PHACTR1: variants seen among roughly 807,000 people sequenced by gnomAD.
PHACTR1 encodes RPEL repeat containing 1.
In PHACTR1, 16 loss-of-function variants were observed where a neutral mutation model predicts 69.2. That is an observed-to-expected ratio of 0.23 (90% confidence interval 0.16 to 0.35). The LOEUF is 0.35. PHACTR1 is among the 10% of genes least tolerant of loss of function. The probability of loss-of-function intolerance (pLI) is 1.00; values close to 1 mark genes in which losing one functional copy is unlikely to be tolerated. For missense variants in PHACTR1, 510 were observed against 734.7 expected, an observed-to-expected ratio of 0.69 and a Z score of 3.54; for synonymous variants, 312 against 284.5, an observed-to-expected ratio of 1.10 and a Z score of -0.97.
intron 4 of PHACTR1, among the ~76,000 whole-genome samples, chr6:12,849,188 G>A (rs918342876): frequency 6.6e-6 from 1 of 152,188 alleles, no homozygotes; most frequent in Admixed American, 6.5e-5. Context: ...CCCTAGGAGC[G>A]TGTGAAAGAA....
intron 4 of PHACTR1, among the ~76,000 whole-genome samples, chr6:12,782,426 A>G (rs1770960901): frequency 6.6e-6 from 1 of 152,192 alleles, no homozygotes; most frequent in Admixed American, 6.5e-5. Flanking sequence ...AGGAGGCTGT[A>G]TTCACAGGGA....
intron 5 of PHACTR1, among the ~76,000 whole-genome samples, chr6:13,138,495 C>T (rs1343577276): frequency 6.6e-6 from 1 of 152,190 alleles, no homozygotes; most frequent in Non-Finnish European, 1.5e-5. Flanking sequence ...GGATTATCTT[C>T]CTAGGGACAT....
intron 4 of PHACTR1, chr6:12,957,656 T>C: frequency 8.1e-6 from 8 of 985,672 alleles, no homozygotes; most frequent in Non-Finnish European, 9.6e-6. Flanking sequence ...TTCTGGGCTC[T>C]GAGTGAGGCT....
chr6:13,176,081 C>T (rs531503075), intron 6 of PHACTR1, among the ~76,000 whole-genome samples: 1 of 152,108 alleles, frequency 6.6e-6, no homozygotes, highest in African/African-American at 2.4e-5. Context: ...CTGGGGAAAA[C>T]GTCTCCATGT....
intron 4 of PHACTR1, among the ~76,000 whole-genome samples, chr6:12,794,647 C>T (rs1034983260): frequency 6.6e-6 from 1 of 152,208 alleles, no homozygotes; most frequent in Non-Finnish European, 1.5e-5. Context: ...AAGTATTTTA[C>T]ATTCTTTTCC....
intron 5 of PHACTR1, among the ~76,000 whole-genome samples, chr6:13,155,415 A>G (rs958229038): frequency 6.6e-6 from 1 of 152,138 alleles, no homozygotes; most frequent in Non-Finnish European, 1.5e-5. Context: ...CAGAAGATTA[A>G]TTTCTCAGCT....
Position 12,909,537 on chromosome 6 carries a change from C to G in PHACTR1, c.251-143828C>G, listed in dbSNP as rs185971295. Among the ~76,000 whole-genome samples the G allele has an allele frequency of 3.9e-5, 6 of 152,316 alleles. No homozygotes were observed. The East Asian group carries it at 1.2e-3, about 29-fold the overall frequency. ...TTTAAAAATATGAAGGGCATGGCATCGAGCCGGATGCGGTGTCTTCATAAG... is the reference window on the plus strand; with the variant it reads ...TTTAAAAATATGAAGGGCATGGCATGGAGCCGGATGCGGTGTCTTCATAAG... On this transcript the variant is annotated intron_variant, in intron 4 of 14. Transcript: ENST00000332995.
intron 4 of PHACTR1, among the ~76,000 whole-genome samples, chr6:12,780,924 G>C (rs150704343): frequency 6.8e-4 from 104 of 152,312 alleles, no homozygotes; most frequent in African/African-American, 2.4e-3. Context: ...AGACATATTA[G>C]TGCTTCCTCC....
intron 4 of PHACTR1, among the ~76,000 whole-genome samples, chr6:12,814,460 C>T (rs190608307): frequency 9.8e-5 from 15 of 152,342 alleles, no homozygotes; most frequent in Non-Finnish European, 1.9e-4. Context: ...TGGCAAAGGC[C>T]ACAGATACTC....
chr6:13,080,215 C>T (rs1234381884), intron 5 of PHACTR1, among the ~76,000 whole-genome samples: 1 of 152,094 alleles, frequency 6.6e-6, no homozygotes, highest in African/African-American at 2.4e-5. Flanking sequence ...CACAACTATC[C>T]TGACTTAGAA....
intron 7 of PHACTR1, among the ~76,000 whole-genome samples, chr6:13,201,324 T>C (rs1765204034): frequency 1.3e-5 from 2 of 152,126 alleles, no homozygotes; most frequent in African/African-American, 4.8e-5. Context: ...ATTTTTATTA[T>C]CAAGGAACAG....
At chr6:13,059,703 A>G (rs1807399666) in intron 5 of PHACTR1, among the ~76,000 whole-genome samples, 1 of 152,178 alleles carries the variant, frequency 6.6e-6, no homozygotes, top group Non-Finnish European at 1.5e-5. Flanking sequence ...TGACACCCTA[A>G]TGTTGGTTTA....
chr6:12,773,238 C>T (rs140679991), intron 4 of PHACTR1, among the ~76,000 whole-genome samples: 2 of 152,268 alleles, frequency 1.3e-5, no homozygotes, highest in African/African-American at 4.8e-5. Context: ...CTGGTAATTT[C>T]AGCTCAATTT....
intron 5 of PHACTR1, among the ~76,000 whole-genome samples, chr6:13,110,280 G>A (rs967152814): frequency 2.0e-5 from 3 of 152,122 alleles, no homozygotes; most frequent in Admixed American, 2.0e-4. Context: ...TAATTTGCAT[G>A]ATCCCTCCAA....
intron 10 of PHACTR1, among the ~76,000 whole-genome samples, chr6:13,270,382 C>A (rs1267020240): frequency 6.6e-6 from 1 of 152,154 alleles, no homozygotes; most frequent in Non-Finnish European, 1.5e-5. Context: ...TAGAACTTCA[C>A]CTCCAGCCCC....
intron 4 of PHACTR1, among the ~76,000 whole-genome samples, chr6:12,783,357 T>C (rs556545998): frequency 2.0e-5 from 3 of 152,348 alleles, no homozygotes; most frequent in East Asian, 1.9e-4. Flanking sequence ...TTAAAAAAAA[T>C]TGGATTAATG....
chr6:13,178,791 T>C (rs1256960177), intron 6 of PHACTR1, among the ~76,000 whole-genome samples: 1 of 152,224 alleles, frequency 6.6e-6, no homozygotes, highest in African/African-American at 2.4e-5. Context: ...CAGTGAACAC[T>C]GTCTCATCCA....
Position 12,778,407 on chromosome 6 carries a change from G to A in PHACTR1, c.250+28617G>A, listed in dbSNP as rs1024720622. ...TGGCAACAGTGCTTTTGAGCTCAGC[G>A]TGCCTGTATATTTCAAGTTTGGGGT... On this transcript the variant is annotated intron_variant, in intron 4 of 14. Transcript: ENST00000332995. 3.3e-5 allele frequency among the ~76,000 whole-genome samples: 5 copies of A among 152,320 alleles called. No individual in the cohort carries two copies. The East Asian group carries it at 5.8e-4, about 18-fold the overall frequency.
chr6:13,002,981 T>A (rs1455020222), intron 4 of PHACTR1, among the ~76,000 whole-genome samples: 7 of 152,158 alleles, frequency 4.6e-5, no homozygotes, highest in Admixed American at 4.6e-4. Flanking sequence ...AATTTGAGAT[T>A]AGGATTTAGT....
Sources: allele counts gnomAD v4.1 joint callset (sites outside exome capture counted in the v4.1 genomes callset), GRCh38; gene constraint gnomAD v4.1.1; transcripts MANE v1.5; gene names NCBI Gene and HGNC (gene_info 2026-07-23, HGNC 2026-07-21).